Variants in PRKCQ observed in about 807,000 individuals in gnomAD.
PRKCQ encodes the protein protein kinase C theta, also known as protein kinase C theta type.
PRKCQ carries 41 observed loss-of-function variants against 91.2 expected under a neutral mutation model. The ratio of observed to expected loss-of-function variants is 0.45; its 90% CI spans 0.35 to 0.58. PRKCQ has a LOEUF of 0.58. PRKCQ is among the 20% of genes least tolerant of loss of function. PRKCQ has a pLI of 0.00. For synonymous variants in PRKCQ, 307 were observed against 316.9 expected, an observed-to-expected ratio of 0.97 and a Z score of 0.33; for missense variants, 673 against 896.5, an observed-to-expected ratio of 0.75 and a Z score of 3.18.
intron 1 of PRKCQ, among the ~76,000 whole-genome samples, chr10:6,542,739 C>A (rs1023198680): frequency 1.3e-5 from 2 of 152,088 alleles, no homozygotes; most frequent in Non-Finnish European, 2.9e-5. Context: ...TTAAATTTGA[C>A]GTTACGAGGT....
intron 1 of PRKCQ, among the ~76,000 whole-genome samples, chr10:6,574,672 G>A (rs1841162378): frequency 6.6e-6 from 1 of 152,160 alleles, no homozygotes; most frequent in Non-Finnish European, 1.5e-5. Flanking sequence ...GACACTCCAA[G>A]AAGTTCACTG....
At chr10:6,402,768 A>G in the PRKCQ span, among the ~76,000 whole-genome samples, 1 of 152,150 alleles carries the variant, frequency 6.6e-6, no homozygotes, top group Non-Finnish European at 1.5e-5. Flanking sequence ...AAATTAGCCA[A>G]GTGTGGTCGT....
At chr10:6,416,452 G>C in the PRKCQ span, among the ~76,000 whole-genome samples, 2 of 152,112 alleles carry the variant, frequency 1.3e-5, no homozygotes, top group Non-Finnish European at 2.9e-5. Flanking sequence ...TTATAAATGA[G>C]AACATATGAT....
intron 17 of PRKCQ, 40 bp from the exon 18 acceptor site, chr10:6,428,402 A>G: frequency 6.3e-7 from 1 of 1,594,552 alleles, no homozygotes; most frequent in Non-Finnish European, 8.6e-7. Flanking sequence ...GAGAAGAAAA[A>G]TCAGCCATTA....
intron 11 of PRKCQ, among the ~76,000 whole-genome samples, chr10:6,481,828 C>A (rs188014061): frequency 2.1e-4 from 32 of 152,210 alleles, no homozygotes; most frequent in Non-Finnish European, 3.5e-4. Context: ...GAATGTAAAA[C>A]AAATAGGAGC....
chr10:6,413,038 C>G, the PRKCQ span, among the ~76,000 whole-genome samples: 2 of 152,130 alleles, frequency 1.3e-5, no homozygotes, highest in Non-Finnish European at 2.9e-5. Context: ...CTGCAAGCTC[C>G]GCCTCCTGGG....
intron 1 of PRKCQ, among the ~76,000 whole-genome samples, chr10:6,546,144 G>C (rs1006139292): frequency 2.6e-5 from 4 of 152,228 alleles, no homozygotes; most frequent in African/African-American, 9.7e-5. Flanking sequence ...TGAGCTCAGA[G>C]ATATCTAACT....
At chr10:6,426,808 T>G (rs1833134796), downstream of PRKCQ, among the ~76,000 whole-genome samples, 1 of 152,264 alleles carries the variant, frequency 6.6e-6, no homozygotes, top group Non-Finnish European at 1.5e-5. Context: ...ATTGCCTTAA[T>G]GTCATCTGAC....
chr10:6,522,633 A>C (rs1588379798), intron 1 of PRKCQ, among the ~76,000 whole-genome samples: 1 of 152,254 alleles, frequency 6.6e-6, no homozygotes, highest in East Asian at 1.9e-4. Context: ...CAAATGAAAT[A>C]AGAAATAGCA....
chr10:6,552,556 C>T (rs981511583), intron 1 of PRKCQ, among the ~76,000 whole-genome samples: 2 of 151,806 alleles, frequency 1.3e-5, no homozygotes, highest in African/African-American at 4.8e-5. Context: ...GCCTCCACCT[C>T]TTGGGTTCAA....
chr10:6,567,209 C>T lies in PRKCQ; in HGVS notation c.-10+13002G>A, dbSNP rs142661854. Among the ~76,000 whole-genome samples the T allele has an allele frequency of 2.8e-4, 42 of 152,240 alleles. No individual in the cohort carries two copies. In the East Asian group the frequency reaches 6.2e-3, roughly 22 times the overall value. On this transcript the variant is annotated intron_variant, in intron 1 of 17. Coordinates refer to ENST00000263125, the MANE Select transcript of PRKCQ (RefSeq NM_006257.5). Reference sequence around the variant, plus strand: ...AGAAAGTCAGTCCACACATCAGAGGCGACTTGGAAAAGCTCTAACACAATA... The same window carrying T: ...AGAAAGTCAGTCCACACATCAGAGGTGACTTGGAAAAGCTCTAACACAATA...
At chr10:6,521,518 T>A (rs1001982400) in intron 1 of PRKCQ, among the ~76,000 whole-genome samples, 1 of 152,220 alleles carries the variant, frequency 6.6e-6, no homozygotes, top group African/African-American at 2.4e-5. Flanking sequence ...GAGGATTAAA[T>A]GGGCAAATAC....
chr10:6,401,867 G>GAA, the PRKCQ span, among the ~76,000 whole-genome samples: 1 of 152,184 alleles, frequency 6.6e-6, no homozygotes, highest in African/African-American at 2.4e-5. Context: ...GGGGAAGGCT[G>GAA]AAGCCTGGAA....
Position 6,441,920 on chromosome 10 carries a change from C to T in PRKCQ, c.1809G>A (p.Glu603=), listed in dbSNP as rs1833991246. Residue 603 remains glutamate, a synonymous_variant, in exon 16 of 18, where the codon GAG becomes GAA. Coordinates refer to ENST00000263125, the MANE Select transcript of PRKCQ (RefSeq NM_006257.5). ...MDNPFYPRWL[E]KEAKDLLVKL... The stretch of plus-strand genomic sequence containing the variant: ...TCACCAGAAGGTCCTTTGCTTCCTT[C>T]TCCAGCCACCGTGGGTAAAAGGGAT... 2 of 1,610,426 alleles carry T rather than the reference C, an allele frequency of 1.2e-6. No homozygotes were observed. The highest frequency in any genetic ancestry group is 2.7e-5 in the African/African-American group (2 of 75,016).
intron 14 of PRKCQ, among the ~76,000 whole-genome samples, chr10:6,457,508 C>T (rs1287879731): frequency 6.6e-6 from 1 of 152,166 alleles, no homozygotes; most frequent in Admixed American, 6.5e-5. Flanking sequence ...GGACTTCGCT[C>T]CTCATGATGT....
intron 15 of PRKCQ, among the ~76,000 whole-genome samples, chr10:6,448,916 A>C (rs537523942): frequency 6.6e-6 from 1 of 151,858 alleles, no homozygotes; most frequent in South Asian, 2.1e-4. Context: ...GGACATCCAC[A>C]CCAAAAACCC....
chr10:6,457,944 C>T (rs1211388527), intron 14 of PRKCQ, among the ~76,000 whole-genome samples: 2 of 138,616 alleles, frequency 1.4e-5, no homozygotes, highest in Middle Eastern at 3.6e-3. Context: ...CCCTTGATAT[C>T]AGGTTTTTTT....
intron 11 of PRKCQ, among the ~76,000 whole-genome samples, chr10:6,479,767 TAAAAAAAAAAAA>T (rs34610362): frequency 2.6e-4 from 10 of 38,996 alleles, no homozygotes; most frequent in Admixed American, 2.5e-3. Flanking sequence ...CCGTCTCGAC[TAAAAAAAAAAAA>T]AAAAAAAAAA....
intron 4 of PRKCQ, among the ~76,000 whole-genome samples, chr10:6,498,914 T>C: frequency 6.6e-6 from 1 of 152,232 alleles, no homozygotes; most frequent in Admixed American, 6.5e-5. Flanking sequence ...CCATCAATGA[T>C]GACTCAGTCA....
Sources: allele counts gnomAD v4.1 joint callset (sites outside exome capture counted in the v4.1 genomes callset), GRCh38; gene constraint gnomAD v4.1.1; transcripts MANE v1.5; gene names NCBI Gene and HGNC (gene_info 2026-07-23, HGNC 2026-07-21).